NCOR1: variants seen among roughly 807,000 people sequenced by gnomAD.
NCOR1 encodes nuclear receptor corepressor 1, also known as protein phosphatase 1, regulatory subunit 109.
A neutral mutation model predicts 288.1 loss-of-function variants in NCOR1; 63 were observed. The ratio of observed to expected loss-of-function variants is 0.22; its 90% CI spans 0.18 to 0.27. The LOEUF is 0.27. Among genes scored for constraint, NCOR1 ranks in the 10% least tolerant of loss-of-function variants. The pLI, the probability that NCOR1 is intolerant of heterozygous loss-of-function variation, is 1.00. For synonymous variants in NCOR1, 1,007 were observed against 1,065.9 expected (o/e 0.94, Z 1.08); for missense variants, 2,397 against 3,019.2 (o/e 0.79, Z 4.83).
chr17:16,075,400 C>T (rs750263670), intron 27 of NCOR1, 134 bp downstream of exon 27: 6 of 936,132 alleles, frequency 6.4e-6, no homozygotes, highest in Non-Finnish European at 8.0e-6. Flanking sequence ...TATTACTAAC[C>T]CCATTTACTG....
intron 22 of NCOR1, among the ~76,000 whole-genome samples, chr17:16,086,699 T>C (rs2051736): frequency 0.42 from 64,385 of 152,122 alleles, 15,435 homozygotes; most frequent in Middle Eastern, 0.57. Flanking sequence ...TTCAAACTTC[T>C]GCTTAGCATA....
At chr17:16,147,160 C>A (rs1424201914) in intron 9 of NCOR1, among the ~76,000 whole-genome samples, 1 of 152,156 alleles carries the variant, frequency 6.6e-6, no homozygotes, top group Non-Finnish European at 1.5e-5. Context: ...CTTGTAATCC[C>A]AGCACTTTGG....
In NCOR1 at chr17:16,075,645, T is replaced by C; in HGVS notation, c.3559A>G (p.Ile1187Val). The C allele has an allele frequency of 1.9e-6, 3 of 1,614,206 alleles. No homozygotes were observed. The highest frequency in any genetic ancestry group is 2.5e-6 in the Non-Finnish European group (3 of 1,180,038). ...CTGTCTTCAATGGGCATTCTCGAAA[T>C]GGACCCCTTCACCAAAGCCTCTGTT... ...IPTEALVKGSISRMPIEDSSP... is the reference protein window; with the variant it reads ...IPTEALVKGSVSRMPIEDSSP... Residue 1187 changes from isoleucine to valine, a missense_variant, in exon 27 of 46, where the codon ATT becomes GTT. Physicochemically the swap from Ile to Val is conservative, Grantham distance 29 (BLOSUM62 3). Coordinates refer to ENST00000268712, the MANE Select transcript of NCOR1 (RefSeq NM_006311.4).
At chr17:16,103,908 G>C (rs2068088359) in intron 19 of NCOR1, among the ~76,000 whole-genome samples, 1 of 152,204 alleles carries the variant, frequency 6.6e-6, no homozygotes, top group Admixed American at 6.5e-5. Context: ...TACTTGGGAG[G>C]CTGAAGTAGG....
intron 23 of NCOR1, among the ~76,000 whole-genome samples, chr17:16,081,970 A>AC (rs2063476889): frequency 6.6e-6 from 1 of 152,208 alleles, no homozygotes; most frequent in African/African-American, 2.4e-5. Context: ...GGAAGTAAAG[A>AC]CTAAGGCAAA....
intron 42 of NCOR1, chr17:16,045,116 A>G (rs4792717): frequency 0.55 from 135,950 of 245,020 alleles, 39,198 homozygotes; most frequent in African/African-American, 0.66. Context: ...TGCTGAGAGA[A>G]CACGAGGAGG....
intron 2 of NCOR1, among the ~76,000 whole-genome samples, chr17:16,187,014 A>G (rs1435154142): frequency 6.6e-6 from 1 of 152,188 alleles, no homozygotes; most frequent in Non-Finnish European, 1.5e-5. Context: ...AAAGCATTCC[A>G]ATACTAAATT....
intron 3 of NCOR1, among the ~76,000 whole-genome samples, chr17:16,181,211 A>ATGTGTGTGTGTGTGTGTGTG (rs61215793): frequency 2.2e-4 from 31 of 139,572 alleles, no homozygotes; most frequent in East Asian, 1.1e-3. Context: ...ATATATATGT[A>ATGTGTGTGTGTGTGTGTGTG]TGTGTGTGTG....
At chr17:16,183,238 AAAAAAAAGAAAAG>A (rs1414476810) in intron 3 of NCOR1, among the ~76,000 whole-genome samples, 51 of 150,668 alleles carry the variant, frequency 3.4e-4, no homozygotes, top group African/African-American at 1.2e-3. Flanking sequence ...AACAAAAAAA[AAAAAAAAGAAAAG>A]AAAAAAAAGA....
intron 6 of NCOR1, among the ~76,000 whole-genome samples, chr17:16,154,015 C>CTTTTTT (rs61436082): frequency 1.9e-3 from 203 of 109,698 alleles, no homozygotes; most frequent in East Asian, 3.0e-3. Context: ...ATGCTATTTC[C>CTTTTTT]TTTTTTTTTT....
chr17:16,123,378 C>T lies in NCOR1; in HGVS notation c.1635-2109G>A, dbSNP rs1023152303. On this transcript the variant is annotated intron_variant, in intron 15 of 45. Coordinates refer to ENST00000268712, the MANE Select transcript of NCOR1 (RefSeq NM_006311.4). The stretch of plus-strand genomic sequence containing the variant: ...CTACTACCACTACACTTACTCAACA[C>T]CTTAGTACCCCAATCCTGGCCTTTC... Among the ~76,000 whole-genome samples the T allele has an allele frequency of 3.3e-5, 5 of 152,176 alleles. No homozygotes were observed. The South Asian group carries it at 1.0e-3, about 32-fold the overall frequency.
At chr17:16,109,938 TGGCC>T (rs1383138767) in intron 18 of NCOR1, among the ~76,000 whole-genome samples, 6 of 152,232 alleles carry the variant, frequency 3.9e-5, no homozygotes, top group Non-Finnish European at 7.3e-5. Flanking sequence ...TTCACCATCT[TGGCC>T]AGGCTGGTCT....
rs2077452434 is a variant in NCOR1 at position 16,143,612 on chromosome 17, C to T, written c.1167G>A (p.Glu389=). The change falls in exon 11 of 46, where the codon GAG becomes GAA. Residue 389 remains glutamate (E), a synonymous_variant. Transcript: ENST00000268712. ...ATTAAATTTATTTTCTTACCTCCTG[C>T]TCAGAGAGCCCATCAATAATTTCAG... The part of the protein sequence containing the change: ...EISEIIDGLS[E]QENNEKQMRQ... 2 of 1,612,104 alleles carry T rather than the reference C, an allele frequency of 1.2e-6. No individual in the cohort carries two copies. The highest frequency in any genetic ancestry group is 1.7e-6 in the Non-Finnish European group (2 of 1,178,426).
chr17:16,160,606 C>G (rs144480810), intron 5 of NCOR1, among the ~76,000 whole-genome samples: 1,698 of 152,246 alleles, frequency 0.011, 36 homozygotes, highest in African/African-American at 0.038. Flanking sequence ...GCCTAGCCAA[C>G]ATGGTGAAAT....
intron 7 of NCOR1, 100 bp downstream of exon 7, chr17:16,153,239 C>T (rs185329633): frequency 1.8e-5 from 15 of 840,574 alleles, no homozygotes; most frequent in Non-Finnish European, 2.7e-5. Flanking sequence ...CTACATCTCT[C>T]TTATCCCAAA....
chr17:16,197,843 T>C (rs575622233), intron 1 of NCOR1, among the ~76,000 whole-genome samples: 11 of 152,256 alleles, frequency 7.2e-5, no homozygotes, highest in African/African-American at 2.4e-4. Context: ...ATATTATATG[T>C]AGGACTTAAG....
Position 16,062,376 on chromosome 17 carries a change from A to G in NCOR1, c.5222-106T>C, listed in dbSNP as rs1483555150. The G allele has an allele frequency of 2.7e-6, 3 of 1,128,206 alleles. No homozygotes were observed. In the African/African-American group the frequency reaches 5.2e-5, roughly 20 times the overall value. 69.9% of individuals were successfully genotyped at this position (1,128,206 alleles called of 1,614,324 possible). On this transcript the variant is annotated intron_variant, in intron 35 of 45. Transcript: ENST00000268712. Reference sequence around the variant, plus strand: ...TATTTCCTAACATACCTAAATAGAAAAAAGAAAAACAAGATAAGAAACTTG... The same window carrying G: ...TATTTCCTAACATACCTAAATAGAAGAAAGAAAAACAAGATAAGAAACTTG...
At chr17:16,096,918 A>C (rs1364527555) in intron 21 of NCOR1, among the ~76,000 whole-genome samples, 1 of 152,252 alleles carries the variant, frequency 6.6e-6, no homozygotes, top group Non-Finnish European at 1.5e-5. Flanking sequence ...AAAATGTGAT[A>C]TACAGATACA....
At chr17:16,090,067 T>C (rs1305471178) in intron 22 of NCOR1, among the ~76,000 whole-genome samples, 1 of 152,076 alleles carries the variant, frequency 6.6e-6, no homozygotes, top group Admixed American at 6.5e-5. Context: ...TGTAGTAATG[T>C]GACTAACACA....
Sources: gnomAD v4.1 joint callset for allele counts (sites outside exome capture counted in the v4.1 genomes callset) on GRCh38, gnomAD v4.1.1 for gene constraint, MANE v1.5 for transcripts, NCBI Gene and HGNC (gene_info 2026-07-23, HGNC 2026-07-21) for gene names.